SLC6A15: variants seen among roughly 807,000 people sequenced by gnomAD.
SLC6A15 encodes sodium-dependent neutral amino acid transporter B(0)AT2.
Under a neutral mutation model 68.5 loss-of-function variants are expected in SLC6A15, and 33 were observed. That is an observed-to-expected ratio of 0.48 (90% CI 0.37 to 0.64). The LOEUF (loss-of-function observed/expected upper bound fraction) is 0.64. SLC6A15 is among the 30% of genes least tolerant of loss of function. The pLI, the probability that SLC6A15 is intolerant of heterozygous loss-of-function variation, is 0.00. For missense variants in SLC6A15, 747 were observed against 874.3 expected, an observed-to-expected ratio of 0.85 and a Z score of 1.84; for synonymous variants, 347 against 301.0, an observed-to-expected ratio of 1.15 and a Z score of -1.58.
intron 6 of SLC6A15, among the ~76,000 whole-genome samples, chr12:84,876,183 T>A (rs187138002): frequency 8.6e-5 from 13 of 151,892 alleles, no homozygotes; most frequent in African/African-American, 3.1e-4. Flanking sequence ...GGGAAAGAGT[T>A]AAGGAAGACT....
chr12:84,864,382 C>A (rs1208255593), intron 10 of SLC6A15, among the ~76,000 whole-genome samples: 3 of 148,398 alleles, frequency 2.0e-5, no homozygotes, highest in Non-Finnish European at 4.5e-5. Context: ...TACAGTGGCA[C>A]AATCTCGACT....
In SLC6A15 at chr12:84,860,304, G is replaced by C. The variant is rs1037646979; in HGVS notation, c.*1328C>G. 6.6e-6 allele frequency: 1 copy of C among 152,066 alleles called. No individual in the cohort carries two copies. Among genetic ancestry groups the C allele is most frequent in the Non-Finnish European group, 1.5e-5 (1 of 67,946 alleles). 9.4% of individuals were successfully genotyped at this position (152,066 alleles called of 1,614,324 possible). A position where few individuals can be genotyped will look rare whatever the true frequency, so the allele number is the denominator to read the frequency against. On this transcript the variant is annotated 3_prime_UTR_variant, in exon 12 of 12. Coordinates refer to ENST00000266682, the MANE Select transcript of SLC6A15 (RefSeq NM_182767.6). ...TTTTAACTAGAGGACACTCAGTGAGGTTCCTCTGCTCTATCCAATTTCATA... is the reference window on the plus strand; with the variant it reads ...TTTTAACTAGAGGACACTCAGTGAGCTTCCTCTGCTCTATCCAATTTCATA...
At chr12:84,891,038 T>C (rs1387177766) in intron 2 of SLC6A15, among the ~76,000 whole-genome samples, 2 of 152,280 alleles carry the variant, frequency 1.3e-5, no homozygotes, top group Non-Finnish European at 2.9e-5. Context: ...TGGTGTACTA[T>C]AGAATTAGCA....
intron 5 of SLC6A15, chr12:84,880,823 A>T (rs752882444): frequency 6.1e-5 from 47 of 767,702 alleles, no homozygotes; most frequent in Non-Finnish European, 7.1e-5. Context: ...TAAAGTGTTT[A>T]AAAAATCGAA....
intron 2 of SLC6A15, among the ~76,000 whole-genome samples, chr12:84,887,358 CAGCTGA>C (rs1330330536): frequency 6.6e-6 from 1 of 152,114 alleles, no homozygotes; most frequent in Admixed American, 6.5e-5. Flanking sequence ...TAACTGTATT[CAGCTGA>C]AGCAGTGAAA....
At chr12:84,862,656 G>A (rs1870902245) in intron 11 of SLC6A15, among the ~76,000 whole-genome samples, 1 of 152,064 alleles carries the variant, frequency 6.6e-6, no homozygotes, top group Non-Finnish European at 1.5e-5. Flanking sequence ...AATAGAAATT[G>A]AAATAGTTAT....
At chr12:84,905,188 TCAGTG>T (rs1873082539) in intron 1 of SLC6A15, among the ~76,000 whole-genome samples, 1 of 152,120 alleles carries the variant, frequency 6.6e-6, no homozygotes, top group Non-Finnish European at 1.5e-5. Context: ...AAAACAGAAT[TCAGTG>T]ATGTATAAAA....
At chr12:84,872,831 A>G (rs1368450756) in intron 7 of SLC6A15, 37 bp from the exon 8 acceptor site, 17 of 1,511,902 alleles carry the variant, frequency 1.1e-5, no homozygotes, top group Non-Finnish European at 1.5e-5. Context: ...AGCACATAAG[A>G]GTTCTTTGGT....
At chr12:84,902,743 C>T (rs779043139) in intron 1 of SLC6A15, among the ~76,000 whole-genome samples, 60 of 151,624 alleles carry the variant, frequency 4.0e-4, no homozygotes, top group Non-Finnish European at 7.5e-4. Context: ...TATAAAAATG[C>T]CAATTTCAAA....
chr12:84,876,535 C>T lies in SLC6A15; in HGVS notation c.829G>A (p.Gly277Ser). ...ATGTGGCGAATGCCATCAATTGAAC[C>T]ATTTAAAAGGAATGCTCTGATGAGG... ...CFLIRAFLLNGSIDGIRHMFT... is the reference protein window; with the variant it reads ...CFLIRAFLLNSSIDGIRHMFT... The change falls in exon 6 of 12, where the codon GGT becomes AGT. Residue 277 changes from glycine to serine, a missense_variant. Transcript: ENST00000266682. The T allele has an allele frequency of 6.3e-7, 1 of 1,599,022 alleles. No individual in the cohort carries two copies. Among genetic ancestry groups the T allele is most frequent in the Non-Finnish European group, 8.5e-7 (1 of 1,173,316 alleles).
chr12:84,866,617 A>G (rs2120544864), intron 10 of SLC6A15, among the ~76,000 whole-genome samples: 1 of 152,308 alleles, frequency 6.6e-6, no homozygotes, highest in Admixed American at 6.5e-5. Context: ...AGAAATGGAC[A>G]TGAGTCCCAG....
In SLC6A15 at chr12:84,878,724, A is replaced by G. The variant is rs117301191; in HGVS notation, c.757-2117T>C. 4.5e-3 allele frequency among the ~76,000 whole-genome samples: 678 copies of G among 152,256 alleles called. 6 individuals are homozygous for G. Among genetic ancestry groups the G allele is most frequent in the Non-Finnish European group, 4.9e-3 (333 of 68,016 alleles). The stretch of plus-strand genomic sequence containing the variant: ...AAGAAAAGATTCTTCCTGTACTCAT[A>G]TTATTCGAGGCTAAAATACTCTAAT... On this transcript the variant is annotated intron_variant, in intron 5 of 11. Coordinates refer to ENST00000266682, the MANE Select transcript of SLC6A15 (RefSeq NM_182767.6).
chr12:84,889,299 G>C (rs891228394), intron 2 of SLC6A15, among the ~76,000 whole-genome samples: 28 of 151,640 alleles, frequency 1.8e-4, no homozygotes, highest in Non-Finnish European at 3.5e-4. Context: ...GACCATCCTG[G>C]CTAACACGGT....
At position 84,861,043 on chromosome 12, in the gene SLC6A15, G is replaced by A. The variant is rs1372401034; in HGVS notation, c.*589C>T. The A allele has an allele frequency of 6.6e-6, 1 of 152,116 alleles. No individual in the cohort carries two copies. The highest frequency in any genetic ancestry group is 2.4e-5 in the African/African-American group (1 of 41,426). 9.4% of individuals were successfully genotyped at this position (152,116 alleles called of 1,614,324 possible). ...CCTCTGAATCTCATCTTTCATCCCA[G>A]CGTTAGTGCCTTCTCATGCTTTGAT... On this transcript the variant is annotated 3_prime_UTR_variant, in exon 12 of 12. Transcript: ENST00000266682.
At chr12:84,894,492 G>C (rs2120687478) in intron 1 of SLC6A15, among the ~76,000 whole-genome samples, 1 of 152,098 alleles carries the variant, frequency 6.6e-6, no homozygotes, top group African/African-American at 2.4e-5. Flanking sequence ...AGACAGAAAA[G>C]TAAGGAGTGT....
At position 84,859,551 on chromosome 12, in the gene SLC6A15, T is replaced by C. The variant is rs1309005307; in HGVS notation, c.*2081A>G. The C allele has an allele frequency of 6.6e-6, 1 of 151,906 alleles. No homozygotes were observed. Among genetic ancestry groups the C allele is most frequent in the East Asian group, 1.9e-4 (1 of 5,192 alleles). The allele number at this position is 151,906 out of a possible 1,614,324, so 9.4% of individuals were successfully genotyped here. On this transcript the variant is annotated 3_prime_UTR_variant, in exon 12 of 12. Coordinates refer to ENST00000266682, the MANE Select transcript of SLC6A15 (RefSeq NM_182767.6). ...TATTTATATACATCAAAACAGCATGTTGTACACCTTAGATGTATACTTTTT... is the reference window on the plus strand; with the variant it reads ...TATTTATATACATCAAAACAGCATGCTGTACACCTTAGATGTATACTTTTT...
intron 1 of SLC6A15, among the ~76,000 whole-genome samples, chr12:84,892,879 G>T (rs1168880530): frequency 6.6e-6 from 1 of 152,094 alleles, no homozygotes; most frequent in Non-Finnish European, 1.5e-5. Context: ...ACTGCAGCCT[G>T]TACCTCTCCC....
rs558461926 is a variant in SLC6A15 at position 84,892,257 on chromosome 12, G to T, written c.-137C>A. 3.0e-5 allele frequency: 24 copies of T among 793,712 alleles called. No individual in the cohort carries two copies. In the Admixed American group the frequency reaches 3.7e-4, roughly 12 times the overall value. The allele number at this position is 793,712 out of a possible 1,614,324, so 49.2% of individuals were successfully genotyped here. ...ATATCAAATAAATCCTTGATTCAAG[G>T]TGATAAAGCCTTATGGATTCTGAAT... On this transcript the variant is annotated 5_prime_UTR_variant, in exon 2 of 12. Transcript: ENST00000266682.
At position 84,894,690 on chromosome 12, in the gene SLC6A15, C is replaced by CA. The variant is rs1219772044; in HGVS notation, c.-188-2383_-188-2382insT. ...TCAAAATAAAAGGTAATACCTTTGGCTACTACTGCATGTTTTTTACACACC... is the reference window on the plus strand; with the variant it reads ...TCAAAATAAAAGGTAATACCTTTGGCATACTACTGCATGTTTTTTACACACC... On this transcript the variant is annotated intron_variant, in intron 1 of 11. Coordinates refer to ENST00000266682, the MANE Select transcript of SLC6A15 (RefSeq NM_182767.6). 3.9e-5 allele frequency among the ~76,000 whole-genome samples: 6 copies of CA among 152,218 alleles called. No individual in the cohort carries two copies. In the East Asian group the frequency reaches 1.2e-3, roughly 29 times the overall value.
Sources: gnomAD v4.1 joint callset for allele counts (sites outside exome capture counted in the v4.1 genomes callset) on GRCh38, gnomAD v4.1.1 for gene constraint, MANE v1.5 for transcripts, NCBI Gene and HGNC (gene_info 2026-07-23, HGNC 2026-07-21) for gene names.